Variants in RASGRF1 observed in about 807,000 individuals in gnomAD.
RASGRF1 encodes the protein ras-specific guanine nucleotide-releasing factor 1.
Under a neutral mutation model 138.7 loss-of-function variants are expected in RASGRF1, and 40 were observed. The observed-to-expected ratio is 0.29, with a 90% CI of 0.22 to 0.38. The LOEUF is 0.38. RASGRF1 is among the 10% of genes least tolerant of loss of function. The pLI is 1.00. For synonymous variants in RASGRF1, 614 were observed against 663.2 expected, an observed-to-expected ratio of 0.93 and a Z score of 1.14; for missense variants, 1,108 against 1,650.4, an observed-to-expected ratio of 0.67 and a Z score of 5.69.
chr15:79,026,609 C>T (rs1173993068), intron 9 of RASGRF1, among the ~76,000 whole-genome samples: 1 of 152,216 alleles, frequency 6.6e-6, no homozygotes, highest in Non-Finnish European at 1.5e-5. Flanking sequence ...TGAGAAACGC[C>T]TTGCAGAATC....
At chr15:79,060,567 T>C (rs2057590457) in intron 2 of RASGRF1, among the ~76,000 whole-genome samples, 1 of 152,120 alleles carries the variant, frequency 6.6e-6, no homozygotes, top group Admixed American at 6.5e-5. Flanking sequence ...CAGGCACCCA[T>C]GTCCTGTGTG....
rs200705194 is a variant in RASGRF1, at chr15:78,985,217, G to A, written c.3217-13C>T. 353 of 1,570,022 alleles carry A rather than the reference G, an allele frequency of 2.2e-4. 1 individual carries two copies. In the African/African-American group the frequency reaches 4.6e-3, roughly 20 times the overall value. On this transcript the variant is annotated splice_polypyrimidine_tract_variant and intron_variant, in intron 22 of 26. Transcript: ENST00000558480. ...TCAAGTTACTGATCTTTAAGCCGAT[G>A]CAATAAGACAGGGAAAAAGAGGAGT... is the stretch of plus-strand genomic sequence containing the variant.
intron 20 of RASGRF1, among the ~76,000 whole-genome samples, chr15:78,994,922 G>A (rs62011173): frequency 0.15 from 21,436 of 144,790 alleles, 1,693 homozygotes; most frequent in Admixed American, 0.16. Context: ...AACCCTTCCA[G>A]CACCTTTTTT....
Position 79,027,799 on chromosome 15 carries a change from G to A in RASGRF1, c.1323C>T (p.Arg441=). Residue 441 remains arginine (R), a synonymous_variant, in exon 9 of 27, where the codon CGC becomes CGT. Transcript: ENST00000558480. The surrounding 1 kb of genome is among the most constrained non-coding windows in gnomAD (Gnocchi z 4.8). ...GGATCTCACAGCCTTCGATGATCAT[G>A]CGCTCGATGGCCAGGTTTTTCCGGA... ...ENIRKNLAIE[R]MIIEGCEILL... 6 of 1,614,230 alleles carry A rather than the reference G, an allele frequency of 3.7e-6. No homozygotes were observed. Among genetic ancestry groups the A allele is most frequent in the Non-Finnish European group, 5.1e-6 (6 of 1,180,048 alleles).
chr15:79,031,141 A>T (rs1439538647), intron 8 of RASGRF1, among the ~76,000 whole-genome samples: 1 of 152,128 alleles, frequency 6.6e-6, no homozygotes, highest in South Asian at 2.1e-4. Context: ...GGAGGTGTTG[A>T]GTGCCCAGGG....
chr15:78,972,003 T>C (rs2141598541), intron 25 of RASGRF1, 69 bp from the exon 26 acceptor site: 1 of 1,327,792 alleles, frequency 7.5e-7, no homozygotes. Context: ...TTTGCAGAGC[T>C]GAAGGGGCAT....
chr15:78,960,785 T>G lies in RASGRF1; in HGVS notation c.*1359A>C, dbSNP rs2055533059. 2.0e-5 allele frequency: 3 copies of G among 152,182 alleles called. 1 individual carries two copies. The highest frequency in any genetic ancestry group is 7.2e-5 in the African/African-American group (3 of 41,436). The allele number at this position is 152,182 out of a possible 1,614,324, so 9.4% of individuals were successfully genotyped here. On this transcript the variant is annotated 3_prime_UTR_variant, in exon 27 of 27. Coordinates refer to ENST00000558480, the MANE Select transcript of RASGRF1 (RefSeq NM_001145648.3). ...TCTTCCCCACCAAACTGTTGGTGCC[T>G]AAAAAGCAGGTATGGTGTCCTTGAC...
Position 79,020,100 on chromosome 15 carries a change from C to G in RASGRF1, c.1547G>C (p.Gly516Ala), listed in dbSNP as rs2056939110. ...SGGKLHLTKN[G>A]VISLIDCTLL... ...AGTGCAGTCAATGAGGGATATGACTCCATTCTGAAAAAGAGCAGCAGGGGC... is the reference window on the plus strand; with the variant it reads ...AGTGCAGTCAATGAGGGATATGACTGCATTCTGAAAAAGAGCAGCAGGGGC... The change falls in exon 11 of 27, where the codon GGA (glycine) becomes GCA (alanine). Residue 516 changes from glycine to alanine, a missense_variant. Coordinates refer to ENST00000558480, the MANE Select transcript of RASGRF1 (RefSeq NM_001145648.3). 4 of 1,613,754 alleles carry G rather than the reference C, an allele frequency of 2.5e-6. No homozygotes were observed. The highest frequency in any genetic ancestry group is 3.4e-6 in the Non-Finnish European group (4 of 1,180,026).
intron 8 of RASGRF1, among the ~76,000 whole-genome samples, chr15:79,030,399 T>G (rs1049675056): frequency 1.3e-5 from 2 of 152,044 alleles, no homozygotes; most frequent in African/African-American, 2.4e-5. Flanking sequence ...CAGCTTCTGG[T>G]TCTCATCTTT....
intron 1 of RASGRF1, 121 bp downstream of exon 1, chr15:79,090,102 A>G: frequency 7.5e-7 from 1 of 1,333,928 alleles, no homozygotes; most frequent in Non-Finnish European, 9.9e-7. Context: ...GGGTGCAGAG[A>G]GCGCCTAGGG....
chr15:79,036,974 G>A (rs373565718), intron 5 of RASGRF1, among the ~76,000 whole-genome samples: 23 of 152,256 alleles, frequency 1.5e-4, no homozygotes, highest in African/African-American at 5.5e-4. Flanking sequence ...ACTTCTGAGT[G>A]TGGATCCCAC....
rs115120967 is a variant in RASGRF1 at position 78,998,925 on chromosome 15, G to A, written c.2747-100C>T. ...GCCTCTCGGATCTGGCTGAGCTGGG[G>A]TGAGTGAGGGGGTCATGGGCAGGGG... On this transcript the variant is annotated intron_variant, in intron 17 of 26. Transcript: ENST00000558480. 1,672 of 866,698 alleles carry A rather than the reference G, an allele frequency of 1.9e-3. 11 individuals carry two copies. The African/African-American group carries it at 0.025, about 13-fold the overall frequency. 53.7% of individuals were successfully genotyped at this position (866,698 alleles called of 1,614,324 possible).
chr15:78,991,226 C>T (rs967009181), intron 21 of RASGRF1, among the ~76,000 whole-genome samples: 3 of 152,212 alleles, frequency 2.0e-5, no homozygotes, highest in Non-Finnish European at 2.9e-5. Flanking sequence ...TAGAAAATTA[C>T]ATAAGTAGAA....
chr15:79,032,370 T>A lies in RASGRF1; in HGVS notation c.959-54A>T, dbSNP rs898204622. ...CTAGGGCAGCTTGGTGGGGACAGAA[T>A]CCCCTAGGCCCTTGGCTCCCCCAGC... On this transcript the variant is annotated intron_variant, in intron 6 of 26. Transcript: ENST00000558480. This position sits in a 1 kb window ranked among gnomAD's most constrained non-coding sequence, Gnocchi z 4.5. 1.3e-6 allele frequency: 2 copies of A among 1,560,534 alleles called. No homozygotes were observed. The highest frequency in any genetic ancestry group is 1.4e-5 in the African/African-American group (1 of 73,856).
intron 16 of RASGRF1, 144 bp from the exon 17 acceptor site, chr15:79,000,057 G>GGT (rs1215113180): frequency 3.6e-5 from 29 of 804,820 alleles, no homozygotes; most frequent in Middle Eastern, 3.1e-4. Context: ...GGGTGGTGCT[G>GGT]GTGTGTGTGT....
intron 23 of RASGRF1, 49 bp downstream of exon 23, chr15:78,984,958 G>A: frequency 6.3e-7 from 1 of 1,580,282 alleles, no homozygotes; most frequent in African/African-American, 1.3e-5. Context: ...TCCTGCCCTA[G>A]CCCCAATCCA....
chr15:78,991,136 T>A (rs2056259346), intron 21 of RASGRF1, among the ~76,000 whole-genome samples: 1 of 152,250 alleles, frequency 6.6e-6, no homozygotes, highest in Admixed American at 6.5e-5. Context: ...AGTAACACAC[T>A]GTTAGAGAAT....
In RASGRF1 at chr15:79,000,057, GGTGT is replaced by G. The variant is rs1215113180; in HGVS notation, c.2576-148_2576-145del. 1.9e-5 allele frequency: 15 copies of G among 804,868 alleles called. No homozygotes were observed. The East Asian group carries it at 2.4e-4, about 13-fold the overall frequency. 49.9% of individuals were successfully genotyped at this position (804,868 alleles called of 1,614,324 possible). On this transcript the variant is annotated intron_variant, in intron 16 of 26. Coordinates refer to ENST00000558480, the MANE Select transcript of RASGRF1 (RefSeq NM_001145648.3). ...GTACCAGGGCATGTCGGGTGGTGCT[GGTGT>G]GTGTGTGTGTCTCTCTCTGTGTTAG...
intron 26 of RASGRF1, among the ~76,000 whole-genome samples, chr15:78,971,041 G>T (rs2055747913): frequency 6.6e-6 from 1 of 152,098 alleles, no homozygotes; most frequent in Non-Finnish European, 1.5e-5. Flanking sequence ...TGGTGGAGGG[G>T]GTCACTGTAC....
Sources: allele counts gnomAD v4.1 joint callset (sites outside exome capture counted in the v4.1 genomes callset), GRCh38; gene constraint gnomAD v4.1.1; non-coding constraint Gnocchi (gnomAD v3.1); transcripts MANE v1.5; gene names NCBI Gene and HGNC (gene_info 2026-07-23, HGNC 2026-07-21).